The following DLGAP2 variants were observed in gnomAD, a reference collection of about 807,000 sequenced individuals.
DLGAP2 encodes DLG associated protein 2.
In DLGAP2, 26 loss-of-function variants were observed where a neutral mutation model predicts 100.3. The ratio of observed to expected loss-of-function variants is 0.26; its 90% CI spans 0.19 to 0.36. The LOEUF is 0.36. DLGAP2 is among the 10% of genes least tolerant of loss of function. The probability of loss-of-function intolerance (pLI) is 1.00; values close to 1 mark genes in which losing one functional copy is unlikely to be tolerated. For missense variants in DLGAP2, 1,858 were observed against 1,453.2 expected (o/e 1.28, Z -4.53); for synonymous variants, 886 against 630.1 (o/e 1.41, Z -6.08).
chr8:875,103 C>G (rs931384847), intron 1 of DLGAP2, among the ~76,000 whole-genome samples: 5 of 152,084 alleles, frequency 3.3e-5, no homozygotes, highest in African/African-American at 4.8e-5. Flanking sequence ...ATATATTTTT[C>G]TATCCTTTTA....
intron 1 of DLGAP2, among the ~76,000 whole-genome samples, chr8:758,673 C>T (rs891011727): frequency 6.6e-6 from 1 of 152,068 alleles, no homozygotes; most frequent in South Asian, 2.1e-4. Context: ...GTGATTCTCC[C>T]ACCTCAGACT....
At chr8:1,252,147 G>T (rs919248140) in intron 2 of DLGAP2, among the ~76,000 whole-genome samples, 1 of 151,470 alleles carries the variant, frequency 6.6e-6, no homozygotes, top group Non-Finnish European at 1.5e-5. Flanking sequence ...CTGTGGTGTT[G>T]TCACACGGGT....
At chr8:1,681,631 A>T (rs1352917669) in intron 12 of DLGAP2, among the ~76,000 whole-genome samples, 2 of 152,142 alleles carry the variant, frequency 1.3e-5, no homozygotes, top group Non-Finnish European at 2.9e-5. Flanking sequence ...ACTGCAGAAC[A>T]AGACCCTGTC....
chr8:961,876 G>A (rs1057288515), intron 2 of DLGAP2, among the ~76,000 whole-genome samples: 3 of 152,110 alleles, frequency 2.0e-5, no homozygotes, highest in South Asian at 2.1e-4. Context: ...TACTGGACTC[G>A]GGAAGTCTTC....
At chr8:1,193,972 A>C (rs1797695838) in intron 2 of DLGAP2, among the ~76,000 whole-genome samples, 1 of 152,148 alleles carries the variant, frequency 6.6e-6, no homozygotes, top group Admixed American at 6.5e-5. Flanking sequence ...CTTGACGGGA[A>C]GGAAGTCGTA....
chr8:1,027,634 A>T (rs1027587316), intron 2 of DLGAP2, among the ~76,000 whole-genome samples: 1 of 142,972 alleles, frequency 7.0e-6, no homozygotes, highest in Non-Finnish European at 1.5e-5. Flanking sequence ...GGCGCCCGTT[A>T]TTCTCCAGGT....
chr8:1,181,603 G>A (rs1797389156), intron 2 of DLGAP2, among the ~76,000 whole-genome samples: 2 of 152,122 alleles, frequency 1.3e-5, no homozygotes, highest in Admixed American at 1.3e-4. Context: ...TAATACCTGG[G>A]GGGTGAAATA....
At chr8:1,496,584 C>T (rs559599172) in intron 3 of DLGAP2, among the ~76,000 whole-genome samples, 21 of 152,242 alleles carry the variant, frequency 1.4e-4, no homozygotes, top group East Asian at 1.9e-4. Flanking sequence ...GCAAACGTGG[C>T]GCACCCAGCA....
intron 3 of DLGAP2, among the ~76,000 whole-genome samples, chr8:1,459,959 T>C (rs1798427986): frequency 6.6e-6 from 1 of 152,204 alleles, no homozygotes; most frequent in African/African-American, 2.4e-5. Flanking sequence ...GGGCAAAAAG[T>C]ACTCACAGAG....
intron 1 of DLGAP2, among the ~76,000 whole-genome samples, chr8:896,576 C>T (rs1798146664): frequency 1.3e-5 from 2 of 152,000 alleles, no homozygotes; most frequent in Non-Finnish European, 2.9e-5. Flanking sequence ...AGGGTGGGGC[C>T]CTGGGGGGCG....
At chr8:1,023,672 T>C (rs1801692692) in intron 2 of DLGAP2, among the ~76,000 whole-genome samples, 1 of 152,040 alleles carries the variant, frequency 6.6e-6, no homozygotes, top group African/African-American at 2.4e-5. Flanking sequence ...CATTAGCGGC[T>C]CTTGTTTCTT....
At chr8:1,276,090 GTATATAATATATAAATATA>G (rs1279022870) in intron 3 of DLGAP2, among the ~76,000 whole-genome samples, 20 of 137,146 alleles carry the variant, frequency 1.5e-4, no homozygotes, top group Non-Finnish European at 1.8e-4. Flanking sequence ...AAATAAATGT[GTATATAATATATAAATATA>G]TATATAATAT....
chr8:1,410,089 T>C (rs1017853993), intron 3 of DLGAP2, among the ~76,000 whole-genome samples: 20 of 152,204 alleles, frequency 1.3e-4, no homozygotes, highest in Admixed American at 1.3e-3. Flanking sequence ...AGCCAAGCGG[T>C]GTCCTCCCCA....
chr8:1,210,821 C>T (rs770336399), intron 2 of DLGAP2, among the ~76,000 whole-genome samples: 1 of 152,186 alleles, frequency 6.6e-6, no homozygotes, highest in African/African-American at 2.4e-5. Flanking sequence ...TCGGTTTTCC[C>T]ATGTGGGACA....
chr8:953,942 A>C (rs543827539), intron 2 of DLGAP2, among the ~76,000 whole-genome samples: 3 of 152,292 alleles, frequency 2.0e-5, no homozygotes, highest in South Asian at 2.1e-4. Context: ...TTTAAACTGC[A>C]AGTGTTTGCT....
intron 4 of DLGAP2, among the ~76,000 whole-genome samples, chr8:1,502,199 A>G (rs1291504490): frequency 1.3e-5 from 2 of 152,228 alleles, no homozygotes; most frequent in African/African-American, 2.4e-5. Context: ...TCTCTAACCT[A>G]AAAGATTGTC....
rs551509327 is a variant in DLGAP2, at chr8:1,613,849, A to G, written c.1443-12891A>G. ...CCTCTGTATTCTTTTTGGAAAAATCATAGAGAAAGATTAGCAAATTGAATT... is the reference window on the plus strand; with the variant it reads ...CCTCTGTATTCTTTTTGGAAAAATCGTAGAGAAAGATTAGCAAATTGAATT... On this transcript the variant is annotated intron_variant, in intron 6 of 14. Coordinates refer to ENST00000637795, the MANE Select transcript of DLGAP2 (RefSeq NM_001346810.2). Among the ~76,000 whole-genome samples the G allele has an allele frequency of 4.6e-5, 7 of 152,368 alleles. No homozygotes were observed. In the East Asian group the frequency reaches 1.2e-3, roughly 25 times the overall value.
intron 2 of DLGAP2, among the ~76,000 whole-genome samples, chr8:1,180,762 G>A (rs1210317078): frequency 6.6e-6 from 1 of 151,844 alleles, no homozygotes; most frequent in African/African-American, 2.4e-5. Context: ...TGCCAGGGCA[G>A]TACAGTTACT....
intron 2 of DLGAP2, among the ~76,000 whole-genome samples, chr8:1,240,292 C>CGTGTCTAGTTCTCTCACATGGTGCT (rs1425645152): frequency 4.4e-3 from 246 of 55,862 alleles, no homozygotes; most frequent in Non-Finnish European, 7.2e-3. Context: ...TACATGGCGC[C>CGTGTCTAGTTCTCTCACATGGTGCT]GTGTCTAGTT....
Sources: gnomAD v4.1 joint callset for allele counts (sites outside exome capture counted in the v4.1 genomes callset) on GRCh38, gnomAD v4.1.1 for gene constraint, MANE v1.5 for transcripts, NCBI Gene and HGNC (gene_info 2026-07-23, HGNC 2026-07-21) for gene names.